Variants in PROZ observed in about 807,000 individuals in gnomAD.
PROZ encodes the protein protein Z, vitamin K dependent plasma glycoprotein, also known as vitamin K-dependent protein Z.
Under a neutral mutation model 34.9 loss-of-function variants are expected in PROZ, and 46 were observed. The observed-to-expected ratio is 1.32, with a 90% CI of 1.04 to 1.69. The LOEUF is 1.69. PROZ is among the 40% of genes most tolerant of loss of function. The probability of loss-of-function intolerance (pLI) is 0.00; values close to 1 mark genes in which losing one functional copy is unlikely to be tolerated. For missense variants in PROZ, 530 were observed against 520.4 expected (o/e 1.02, Z -0.18); for synonymous variants, 195 against 208.5 (o/e 0.94, Z 0.56).
At chr13:113,168,636 G>C (rs3024756) in intron 6 of PROZ, among the ~76,000 whole-genome samples, 31,040 of 152,162 alleles carry the variant, frequency 0.2, 3,994 homozygotes, top group East Asian at 0.55. Flanking sequence ...TAATTATACT[G>C]TGTATTGTTT....
chr13:113,167,984 T>C (rs559023397), intron 6 of PROZ, among the ~76,000 whole-genome samples: 6 of 152,304 alleles, frequency 3.9e-5, no homozygotes, highest in South Asian at 2.1e-4. Context: ...ATCTTTACCC[T>C]ATCACAGTCC....
chr13:113,160,812 T>C (rs1402191566), intron 2 of PROZ, 136 bp from the exon 3 acceptor site: 16 of 742,270 alleles, frequency 2.2e-5, no homozygotes, highest in Middle Eastern at 3.7e-4. Flanking sequence ...AACAGGAAAA[T>C]TGTGCATTGT....
At chr13:113,164,264 C>T (rs1480259261) in intron 4 of PROZ, among the ~76,000 whole-genome samples, 1 of 152,104 alleles carries the variant, frequency 6.6e-6, no homozygotes, top group African/African-American at 2.4e-5. Flanking sequence ...AGGCATGAGC[C>T]ACCGCGCCCG....
chr13:113,164,700 A>C, intron 5 of PROZ, 56 bp downstream of exon 5: 2 of 1,605,416 alleles, frequency 1.2e-6, no homozygotes. Flanking sequence ...CCCCGTCCAC[A>C]TCCTCCTTCC....
Position 113,163,076 on chromosome 13 carries a change from C to T in PROZ, c.327C>T (p.Tyr109=), listed in dbSNP as rs775401114. The change falls in exon 4 of 8, where the codon TAC becomes TAT. Residue 109 remains tyrosine (Y), a synonymous_variant. Transcript: ENST00000375547. ...CTTGCCAGGACAGCATCTGGGGCTA[C>T]ACCTGCACCTGCTCCCCCGGCTATG... is the stretch of plus-strand genomic sequence containing the variant. ...NGSCQDSIWG[Y]TCTCSPGYEG... is the part of the protein sequence containing the mutation. 8.2e-5 allele frequency: 128 copies of T among 1,560,362 alleles called. No homozygotes were observed. The highest frequency in any genetic ancestry group is 1.9e-5 in the Admixed American group (1 of 52,696).
Position 113,164,616 on chromosome 13 carries a change from T to C in PROZ, c.477T>C (p.Gly159=). The C allele has an allele frequency of 6.2e-7, 1 of 1,613,608 alleles. No individual in the cohort carries two copies. The highest frequency in any genetic ancestry group is 1.1e-5 in the South Asian group (1 of 91,062). The change falls in exon 5 of 8, where the codon GGT becomes GGC. Residue 159 remains glycine, a synonymous_variant. Transcript: ENST00000375547. ...GCTGTGCTCAGGGCTACAGGCTTGG[T>C]GAGGACCACAAACAGTGTGTGCCCC... ...TCSCAQGYRL[G]EDHKQCVPHD...
At chr13:113,164,182 G>A (rs1196265817) in intron 4 of PROZ, among the ~76,000 whole-genome samples, 1 of 152,018 alleles carries the variant, frequency 6.6e-6, no homozygotes, top group African/African-American at 2.4e-5. Context: ...GTTTCACCAT[G>A]TTGGCCAGGC....
intron 2 of PROZ, 134 bp from the exon 3 acceptor site, chr13:113,160,814 G>A (rs2036746159): frequency 1.3e-6 from 1 of 752,240 alleles, no homozygotes; most frequent in African/African-American, 1.7e-5. Flanking sequence ...CAGGAAAATT[G>A]TGCATTGTTT....
Position 113,159,380 on chromosome 13 carries a change from G to T in PROZ, c.71-634G>T, listed in dbSNP as rs981793298. 4 of 1,101,854 alleles carry T rather than the reference G, an allele frequency of 3.6e-6. No homozygotes were observed. Among genetic ancestry groups the T allele is most frequent in the Non-Finnish European group, 5.3e-6 (4 of 757,622 alleles). The allele number at this position is 1,101,854 out of a possible 1,614,324, so 68.3% of individuals were successfully genotyped here. A position where few individuals can be genotyped will look rare whatever the true frequency, so the allele number is the denominator to read the frequency against. On this transcript the variant is annotated intron_variant, in intron 1 of 7. Coordinates refer to ENST00000375547, the MANE Select transcript of PROZ (RefSeq NM_003891.3). This position sits in a 1 kb window ranked among gnomAD's most constrained non-coding sequence, Gnocchi z 4.6. ...GCCCTGCCCAGCACTTACCGTAGCC[G>T]GACTTAGCTGAGCCCCCCCTGCTGT...
intron 3 of PROZ, 78 bp downstream of exon 3, chr13:113,161,050 G>A (rs955059134): frequency 9.2e-6 from 12 of 1,297,714 alleles, no homozygotes; most frequent in Non-Finnish European, 1.2e-5. Flanking sequence ...GACGCTTCAC[G>A]ACCCCAGCTC....
In PROZ at chr13:113,171,570, A is replaced by C. The variant is rs2037112513; in HGVS notation, c.692-24A>C. 5.0e-6 allele frequency: 8 copies of C among 1,613,852 alleles called. No individual in the cohort carries two copies. Among genetic ancestry groups the C allele is most frequent in the Non-Finnish European group, 5.9e-6 (7 of 1,180,034 alleles). ...CCCCTTGAAAATCAGACTGTAAAGAACTGACGATTGTTCATGATTTCAGAT... is the reference window on the plus strand; with the variant it reads ...CCCCTTGAAAATCAGACTGTAAAGACCTGACGATTGTTCATGATTTCAGAT... On this transcript the variant is annotated intron_variant, in intron 7 of 7. Coordinates refer to ENST00000375547, the MANE Select transcript of PROZ (RefSeq NM_003891.3). The surrounding 1 kb of genome is among the most constrained non-coding windows in gnomAD (Gnocchi z 5.1).
At position 113,160,076 on chromosome 13, in the gene PROZ, C is replaced by T; in HGVS notation, c.133C>T (p.Leu45Phe). 1 of 1,614,190 alleles carries T rather than the reference C, an allele frequency of 6.2e-7. No individual in the cohort carries two copies. Among genetic ancestry groups the T allele is most frequent in the Non-Finnish European group, 8.5e-7 (1 of 1,180,026 alleles). Residue 45 changes from leucine to phenylalanine, a missense_variant, in exon 2 of 8, where the codon CTT (leucine) becomes TTT (phenylalanine). Transcript: ENST00000375547. ...GAGGTGGAAGCGTGCGGGCTCCTAT[C>T]TTCTGGAAGAACTCTTCGAGGGAAA... ...LVRWKRAGSY[L>F]LEELFEGNLE...
chr13:113,163,426 G>T (rs1370938896), intron 4 of PROZ, among the ~76,000 whole-genome samples: 1 of 152,118 alleles, frequency 6.6e-6, no homozygotes, highest in African/African-American at 2.4e-5. Flanking sequence ...GGCTGGGGGG[G>T]TCACACACAG....
At chr13:113,161,089 C>A in intron 3 of PROZ, 117 bp downstream of exon 3, 2 of 919,410 alleles carry the variant, frequency 2.2e-6, no homozygotes, top group Non-Finnish European at 3.6e-6. Flanking sequence ...GGCTCCAGGA[C>A]CCACGGTGTC....
rs1283604910 is a variant in PROZ at position 113,159,979 on chromosome 13, G to A, written c.71-35G>A. The A allele has an allele frequency of 1.2e-6, 2 of 1,612,536 alleles. No homozygotes were observed. Among genetic ancestry groups the A allele is most frequent in the Non-Finnish European group, 1.7e-6 (2 of 1,179,482 alleles). On this transcript the variant is annotated intron_variant, in intron 1 of 7. Coordinates refer to ENST00000375547, the MANE Select transcript of PROZ (RefSeq NM_003891.3). The surrounding 1 kb of genome is among the most constrained non-coding windows in gnomAD (Gnocchi z 4.6). Reference sequence around the variant, plus strand: ...AGCTCTGGAAAGCAGGGCCCTCGGTGCTCCCAGTCACCTGCCTTCTTGTCT... The same window carrying A: ...AGCTCTGGAAAGCAGGGCCCTCGGTACTCCCAGTCACCTGCCTTCTTGTCT...
chr13:113,168,396 T>C (rs1406761828), intron 6 of PROZ, among the ~76,000 whole-genome samples: 1 of 152,192 alleles, frequency 6.6e-6, no homozygotes, highest in Non-Finnish European at 1.5e-5. Flanking sequence ...TCTTTGTTCA[T>C]CTTCATCTAT....
At position 113,171,875 on chromosome 13, in the gene PROZ, G is replaced by A. The variant is rs1445478028; in HGVS notation, c.973G>A (p.Glu325Lys). 1 of 1,613,740 alleles carries A rather than the reference G, an allele frequency of 6.2e-7. No individual in the cohort carries two copies. The highest frequency in any genetic ancestry group is 2.2e-5 in the East Asian group (1 of 44,880). Reference protein sequence around the residue: ...TTRPVTLVEGEECGQVLNVTV... With the variant: ...TTRPVTLVEGKECGQVLNVTV... Reference sequence around the variant, plus strand: ...GCGGCCTGTCACACTTGTGGAGGGGGAGGAGTGCGGGCAGGTCCTGAATGT... The same window carrying A: ...GCGGCCTGTCACACTTGTGGAGGGGAAGGAGTGCGGGCAGGTCCTGAATGT... Residue 325 changes from glutamate (E) to lysine (K), a missense_variant, in exon 8 of 8, where the codon GAG (glutamate) becomes AAG (lysine). Physicochemically the swap from Glu to Lys is moderately conservative, Grantham distance 56. Coordinates refer to ENST00000375547, the MANE Select transcript of PROZ (RefSeq NM_003891.3). This position sits in a 1 kb window ranked among gnomAD's most constrained non-coding sequence, Gnocchi z 5.1.
chr13:113,168,621 G>A (rs926884787), intron 6 of PROZ, among the ~76,000 whole-genome samples: 2 of 152,192 alleles, frequency 1.3e-5, no homozygotes, highest in African/African-American at 4.8e-5. Context: ...CATGGATTTT[G>A]AATTTAATTA....
chr13:113,168,057 C>T (rs2036997281), intron 6 of PROZ, among the ~76,000 whole-genome samples: 2 of 152,174 alleles, frequency 1.3e-5, no homozygotes. Flanking sequence ...CAATCATGCC[C>T]CATTCCTCCC....
Sources: gnomAD v4.1 joint callset for allele counts (sites outside exome capture counted in the v4.1 genomes callset) on GRCh38, gnomAD v4.1.1 for gene constraint, Gnocchi (gnomAD v3.1) non-coding constraint, MANE v1.5 for transcripts, NCBI Gene and HGNC (gene_info 2026-07-23, HGNC 2026-07-21) for gene names.